The following OGFR variants were observed in gnomAD, a reference collection of about 807,000 sequenced individuals.
The protein encoded by OGFR is protein 7-60.
Under a neutral mutation model 33.6 loss-of-function variants are expected in OGFR, and 18 were observed. That is an observed-to-expected ratio of 0.54 (90% CI 0.37 to 0.80). The LOEUF is 0.80. Among genes scored for constraint, OGFR ranks in the 30% least tolerant of loss-of-function variants. The pLI is 0.00. For synonymous variants in OGFR, 370 were observed against 400.7 expected (o/e 0.92, Z 0.91); for missense variants, 877 against 955.8 (o/e 0.92, Z 1.09).
At position 62,813,923 on chromosome 20, in the gene OGFR, G is replaced by A; in HGVS notation, c.*274G>A. ...CTTTGTAAATTGACCCTTCTGGAGT[G>A]GGGGGCGGCGGGCAGGGCTGCTTTT... On this transcript the variant is annotated 3_prime_UTR_variant, in exon 7 of 7. Transcript: ENST00000290291. 5.4e-6 allele frequency: 3 copies of A among 553,800 alleles called. No homozygotes were observed. Among genetic ancestry groups the A allele is most frequent in the South Asian group, 2.3e-5 (1 of 44,314 alleles). 34.3% of individuals were successfully genotyped at this position (553,800 alleles called of 1,614,324 possible). A position where few individuals can be genotyped will look rare whatever the true frequency, so the allele number is the denominator to read the frequency against.
Position 62,811,512 on chromosome 20 carries a change from G to A in OGFR, c.516G>A (p.Glu172=). The part of the protein sequence containing the change: ...EIQERLVRAY[E]LMLGFYGIRL... ...AGGAGCGGCTTGTCCGGGCCTACGA[G>A]CTCATGCTGGGCTTCTACGGGATCC... Residue 172 remains glutamate, a synonymous_variant, in exon 6 of 7, where the codon GAG becomes GAA. Transcript: ENST00000290291. 1 of 1,608,628 alleles carries A rather than the reference G, an allele frequency of 6.2e-7. No individual in the cohort carries two copies. The highest frequency in any genetic ancestry group is 1.1e-5 in the South Asian group (1 of 90,092).
At chr20:62,807,897 G>A (rs770996208) in intron 2 of OGFR, 183 of 598,674 alleles carry the variant, frequency 3.1e-4, no homozygotes, top group Admixed American at 8.6e-4. Flanking sequence ...CCGTGATACC[G>A]CCCACACAGC....
At chr20:62,810,781 G>C (rs1990710538) in intron 5 of OGFR, among the ~76,000 whole-genome samples, 1 of 152,250 alleles carries the variant, frequency 6.6e-6, no homozygotes, top group African/African-American at 2.4e-5. Context: ...AATTTCCGAG[G>C]CTGTTTGTCC....
chr20:62,810,666 G>A (rs1014166203), intron 5 of OGFR, 101 bp downstream of exon 5: 2 of 1,094,262 alleles, frequency 1.8e-6, no homozygotes, highest in Admixed American at 1.8e-5. Context: ...GGCATTTGGT[G>A]CCCCCTCAGG....
chr20:62,810,492 C>T lies in OGFR; in HGVS notation c.399-7C>T, dbSNP rs1295757153. 1 of 1,613,184 alleles carries T rather than the reference C, an allele frequency of 6.2e-7. No homozygotes were observed. Among genetic ancestry groups the T allele is most frequent in the Non-Finnish European group, 8.5e-7 (1 of 1,179,770 alleles). On this transcript the variant is annotated splice_polypyrimidine_tract_variant and splice_region_variant and intron_variant, in intron 4 of 6. Transcript: ENST00000290291. ...AATCCCTTGCCTGAGCATCTCTTCT[C>T]CTGCAGGCTGTTTCCTCTGCGAGAA...
At position 62,813,868 on chromosome 20, in the gene OGFR, T is replaced by C; in HGVS notation, c.*219T>C. 1 of 604,310 alleles carries C rather than the reference T, an allele frequency of 1.7e-6. No homozygotes were observed. Among genetic ancestry groups the C allele is most frequent in the South Asian group, 2.0e-5 (1 of 49,388 alleles). The allele number at this position is 604,310 out of a possible 1,614,324, so 37.4% of individuals were successfully genotyped here. On this transcript the variant is annotated 3_prime_UTR_variant, in exon 7 of 7. Coordinates refer to ENST00000290291, the MANE Select transcript of OGFR (RefSeq NM_007346.4). Reference sequence around the variant, plus strand: ...GAAGCCTCCTGGCCTGGCTGTGTCTTCCCCACCCAGCTCTCCCCTGCGCCC... The same window carrying C: ...GAAGCCTCCTGGCCTGGCTGTGTCTCCCCCACCCAGCTCTCCCCTGCGCCC...
chr20:62,807,520 A>G lies in OGFR; in HGVS notation c.172-17A>G, dbSNP rs201298766. ...GGTCTCCCATGGGGGTCCTAATCCC[A>G]TCTCTTTTCTTCCCAGTCCAGAATG... On this transcript the variant is annotated splice_polypyrimidine_tract_variant and intron_variant, in intron 1 of 6. Coordinates refer to ENST00000290291, the MANE Select transcript of OGFR (RefSeq NM_007346.4). 59 of 1,611,328 alleles carry G rather than the reference A, an allele frequency of 3.7e-5. No homozygotes were observed. In the East Asian group the frequency reaches 1.0e-3, roughly 29 times the overall value.
At chr20:62,808,531 T>C (rs939166705) in intron 3 of OGFR, among the ~76,000 whole-genome samples, 2 of 152,156 alleles carry the variant, frequency 1.3e-5, no homozygotes, top group African/African-American at 4.8e-5. Context: ...GGGTGGGCTA[T>C]CTCTGTAAAG....
chr20:62,813,752 G>GTGACCCA lies in OGFR; in HGVS notation c.*111_*117dup, dbSNP rs763725230. 1.2e-5 allele frequency: 16 copies of GTGACCCA among 1,384,914 alleles called. No individual in the cohort carries two copies. The highest frequency in any genetic ancestry group is 2.9e-5 in the African/African-American group (2 of 70,086). The allele number at this position is 1,384,914 out of a possible 1,614,324, so 85.8% of individuals were successfully genotyped here. On this transcript the variant is annotated 3_prime_UTR_variant, in exon 7 of 7. Coordinates refer to ENST00000290291, the MANE Select transcript of OGFR (RefSeq NM_007346.4). ...CCCCTCAGGCTCTGCTTCGTGACCCGTGACCCATGACCCACAGTGCTGGCC... is the reference window on the plus strand; with the variant it reads ...CCCCTCAGGCTCTGCTTCGTGACCCGTGACCCATGACCCATGACCCACAGTGCTGGCC...
chr20:62,811,724 C>A, intron 6 of OGFR, 114 bp downstream of exon 6: 1 of 1,223,684 alleles, frequency 8.2e-7, no homozygotes, highest in Non-Finnish European at 1.1e-6. Flanking sequence ...GCTGTTTGGG[C>A]AATGGACCAA....
intron 4 of OGFR, 30 bp downstream of exon 4, chr20:62,809,693 G>T (rs751468422): frequency 1.3e-5 from 18 of 1,394,820 alleles, no homozygotes; most frequent in Admixed American, 1.7e-5. Context: ...GGGATGGGGG[G>T]TTGGCGAGGC....
chr20:62,804,920 G>A lies in OGFR; in HGVS notation c.61G>A (p.Glu21Lys). 2.0e-6 allele frequency: 3 copies of A among 1,497,186 alleles called. No individual in the cohort carries two copies. The South Asian group carries it at 3.8e-5, about 19-fold the overall frequency. The allele number at this position is 1,497,186 out of a possible 1,614,324, so 92.7% of individuals were successfully genotyped here. ...GGACGAGGAGGATGCGGAGGACGCG[G>A]AGGACGAGGACTGCGAGGACGGCGA... ...EEDEEDAEDA[E>K]DEDCEDGEAA... Residue 21 changes from glutamate to lysine, a missense_variant, in exon 1 of 7, where the codon GAG becomes AAG. This residue lies in a region of OGFR where 760 missense variants were observed against 736.0 expected (regional missense o/e 1.03). Coordinates refer to ENST00000290291, the MANE Select transcript of OGFR (RefSeq NM_007346.4).
In OGFR at chr20:62,807,657, T is replaced by G. The variant is rs1266719390; in HGVS notation, c.240+52T>G. 3 of 1,563,718 alleles carry G rather than the reference T, an allele frequency of 1.9e-6. No individual in the cohort carries two copies. The African/African-American group carries it at 4.1e-5, about 21-fold the overall frequency. The stretch of plus-strand genomic sequence containing the variant: ...ACAGAACCCTCCCGCCAGCTGCTCT[T>G]CTCAGGCAGAATGTCCCAGGTTCTA... On this transcript the variant is annotated intron_variant, in intron 2 of 6. Transcript: ENST00000290291.
intron 3 of OGFR, among the ~76,000 whole-genome samples, chr20:62,808,907 G>A (rs1452627782): frequency 2.0e-5 from 3 of 147,714 alleles, no homozygotes; most frequent in Non-Finnish European, 4.5e-5. Flanking sequence ...CTTGGGAGGT[G>A]GAGGTTGCAG....
chr20:62,813,765 C>T lies in OGFR; in HGVS notation c.*116C>T, dbSNP rs764480006. Reference sequence around the variant, plus strand: ...GCTTCGTGACCCGTGACCCATGACCCACAGTGCTGGCCTCCTGTGGGGCCA... The same window carrying T: ...GCTTCGTGACCCGTGACCCATGACCTACAGTGCTGGCCTCCTGTGGGGCCA... On this transcript the variant is annotated 3_prime_UTR_variant, in exon 7 of 7. Coordinates refer to ENST00000290291, the MANE Select transcript of OGFR (RefSeq NM_007346.4). The T allele has an allele frequency of 1.0e-5, 13 of 1,280,398 alleles. No individual in the cohort carries two copies. Among genetic ancestry groups the T allele is most frequent in the African/African-American group, 5.9e-5 (4 of 67,728 alleles). 79.3% of individuals were successfully genotyped at this position (1,280,398 alleles called of 1,614,324 possible). A position where few individuals can be genotyped will look rare whatever the true frequency, so the allele number is the denominator to read the frequency against.
intron 4 of OGFR, 142 bp from the exon 5 acceptor site, chr20:62,810,357 C>T: frequency 1.4e-6 from 1 of 732,386 alleles, no homozygotes; most frequent in South Asian, 1.6e-5. Flanking sequence ...CACCCTCGCT[C>T]CTCCACCTAG....
Position 62,812,405 on chromosome 20 carries a change from C to T in OGFR, c.790C>T (p.Arg264Ter), listed in dbSNP as rs947342165. 2.5e-6 allele frequency: 4 copies of T among 1,583,012 alleles called. No homozygotes were observed. The highest frequency in any genetic ancestry group is 1.3e-5 in the African/African-American group (1 of 74,194). The change falls in exon 7 of 7, where the codon CGA (arginine) becomes TGA (stop). Residue 264 changes from arginine (R) to a stop codon, truncating the protein, a stop_gained. Coordinates refer to ENST00000290291, the MANE Select transcript of OGFR (RefSeq NM_007346.4). LOFTEE classifies it low-confidence loss of function (END_TRUNC). ...CTACTTCATGTTCGCCGTGCGCTGC[C>T]GACACCAGCGCCGCCAGCTGGTGCA... ...LDYFMFAVRC[R>*]HQRRQLVHFA... is the part of the protein sequence containing the mutation.
Position 62,808,847 on chromosome 20 carries a change from C to T in OGFR, c.319+522C>T, listed in dbSNP as rs562113612. Among the ~76,000 whole-genome samples, 385 of 151,808 alleles carry T rather than the reference C, an allele frequency of 2.5e-3. 3 individuals are homozygous for T. The highest frequency in any genetic ancestry group is 8.6e-3 in the African/African-American group (358 of 41,396). ...AAAATTAGCCAGGTGTGGTAGCGTG[C>T]GCCTGTAGTCCCAGCTACTCAGGAG... On this transcript the variant is annotated intron_variant, in intron 3 of 6. Transcript: ENST00000290291.
At chr20:62,808,475 A>G in intron 3 of OGFR, 150 bp downstream of exon 3, 1 of 630,340 alleles carries the variant, frequency 1.6e-6, no homozygotes, top group East Asian at 2.7e-5. Context: ...GGCCAGAGGG[A>G]CTCCAGGATC....
Sources: allele counts gnomAD v4.1 joint callset (sites outside exome capture counted in the v4.1 genomes callset), GRCh38; gene constraint gnomAD v4.1.1; regional missense constraint gnomAD v4.1.1; transcripts MANE v1.5; gene names NCBI Gene and HGNC (gene_info 2026-07-23, HGNC 2026-07-21).